TRIM37: variants seen among roughly 807,000 people sequenced by gnomAD.
The protein encoded by TRIM37 is tripartite motif containing 37, also known as E3 ubiquitin-protein ligase TRIM37.
In TRIM37, 80 loss-of-function variants were observed where a neutral mutation model predicts 129.8. The observed-to-expected ratio is 0.62, with a 90% confidence interval of 0.51 to 0.74. The LOEUF (loss-of-function observed/expected upper bound fraction) is 0.74. TRIM37 is among the 30% of genes least tolerant of loss of function. The pLI, the probability that TRIM37 is intolerant of heterozygous loss-of-function variation, is 0.00. For missense variants in TRIM37, 1,054 were observed against 1,176.5 expected, an observed-to-expected ratio of 0.90 and a Z score of 1.52; for synonymous variants, 389 against 387.1, an observed-to-expected ratio of 1.00 and a Z score of -0.06.
At chr17:59,030,877 C>A (rs1315452562) in intron 18 of TRIM37, among the ~76,000 whole-genome samples, 1 of 152,192 alleles carries the variant, frequency 6.6e-6, no homozygotes, top group Non-Finnish European at 1.5e-5. Flanking sequence ...TACATATCTA[C>A]CTACAGAATC....
chr17:59,013,344 C>T (rs1798350351), intron 21 of TRIM37, among the ~76,000 whole-genome samples: 1 of 152,128 alleles, frequency 6.6e-6, no homozygotes, highest in African/African-American at 2.4e-5. Context: ...GACAGTGTTT[C>T]ACCATGATGG....
Position 59,084,034 on chromosome 17 carries a change from T to C in TRIM37, c.337A>G (p.Ile113Val). 6.2e-7 allele frequency: 1 copy of C among 1,613,924 alleles called. No individual in the cohort carries two copies. The highest frequency in any genetic ancestry group is 8.5e-7 in the Non-Finnish European group (1 of 1,179,932). Residue 113 changes from isoleucine (I) to valine (V), a missense_variant, in exon 5 of 24, where the codon ATC becomes GTC. By Grantham distance (29) the Ile-to-Val change is conservative. Around this residue, in one of 3 missense-constraint regions of TRIM37, gnomAD observed 752 missense variants for 870.8 expected, o/e 0.86. Coordinates refer to ENST00000262294, the MANE Select transcript of TRIM37 (RefSeq NM_015294.6). Reference protein sequence around the residue: ...SVFCWTCKKCICHQCALWGGM... With the variant: ...SVFCWTCKKCVCHQCALWGGM... ...CCCCAAAGTGCACACTGATGGCAGA[T>C]ACACTTCTTACAAGTCCAGCAAAAT...
At chr17:58,994,750 C>CTTTT (rs796722512), downstream of TRIM37, among the ~76,000 whole-genome samples, 1 of 142,434 alleles carries the variant, frequency 7.0e-6, no homozygotes, top group Non-Finnish European at 1.5e-5. Flanking sequence ...TTCTTTCTTT[C>CTTTT]TTTTTTTTTT....
chr17:58,998,484 A>G lies in TRIM37; in HGVS notation c.*893T>C, dbSNP rs1484440288. The G allele has an allele frequency of 1.0e-6, 1 of 985,338 alleles. No individual in the cohort carries two copies. The highest frequency in any genetic ancestry group is 1.2e-6 in the Non-Finnish European group (1 of 829,938). The allele number at this position is 985,338 out of a possible 1,614,324, so 61.0% of individuals were successfully genotyped here. Reference sequence around the variant, plus strand: ...TGGCAACTGTTTTGGGCTAATTATGAGTATGAAAGAAAACCTTATATCACA... The same window carrying G: ...TGGCAACTGTTTTGGGCTAATTATGGGTATGAAAGAAAACCTTATATCACA... On this transcript the variant is annotated 3_prime_UTR_variant, in exon 24 of 24. Transcript: ENST00000262294.
chr17:59,021,295 C>T (rs1567996338), intron 19 of TRIM37, among the ~76,000 whole-genome samples: 1 of 151,800 alleles, frequency 6.6e-6, no homozygotes, highest in Non-Finnish European at 1.5e-5. Flanking sequence ...GCTGGGAGGC[C>T]GAGGCAGGAG....
intron 12 of TRIM37, 66 bp downstream of exon 12, chr17:59,060,966 A>G: frequency 8.3e-7 from 1 of 1,199,614 alleles, no homozygotes; most frequent in East Asian, 2.4e-5. Context: ...ATAAAAATTA[A>G]CAAAAATTGC....
chr17:59,079,739 T>C lies in TRIM37; in HGVS notation c.616+15A>G, dbSNP rs2043106889. On this transcript the variant is annotated intron_variant, in intron 7 of 23. Transcript: ENST00000262294. ...GAAAGCACCAGGTACCCCAGCAGCA[T>C]ACATAAACACTTACCCATCAGTGTT... 1 of 1,613,738 alleles carries C rather than the reference T, an allele frequency of 6.2e-7. No individual in the cohort carries two copies. The highest frequency in any genetic ancestry group is 8.5e-7 in the Non-Finnish European group (1 of 1,179,736).
Position 58,993,153 on chromosome 17 carries a change from C to T in TRIM37, c.2891+6228G>A, listed in dbSNP as rs116979044. ...GGGGGAGTTTCCCTGCACAAGCTCT[C>T]GTCTGCCACCACATGAGATGTGCCT... On this transcript the variant is annotated intron_variant, in intron 24 of 24. Transcript: ENST00000393066. Among the ~76,000 whole-genome samples, 133 of 152,286 alleles carry T rather than the reference C, an allele frequency of 8.7e-4. 1 individual carries two copies. The highest frequency in any genetic ancestry group is 8.7e-3 in the East Asian group (45 of 5,190).
chr17:59,096,558 A>AC (rs965839794), intron 2 of TRIM37, among the ~76,000 whole-genome samples: 2 of 141,574 alleles, frequency 1.4e-5, no homozygotes, highest in Non-Finnish European at 3.2e-5. Flanking sequence ...TCAAAAAAAA[A>AC]AAAACAAAAA....
chr17:59,075,644 C>T lies in TRIM37; in HGVS notation c.684+3G>A. 6.3e-7 allele frequency: 1 copy of T among 1,587,602 alleles called. No individual in the cohort carries two copies. Among genetic ancestry groups the T allele is most frequent in the Non-Finnish European group, 8.6e-7 (1 of 1,160,570 alleles). On this transcript the variant is annotated splice_donor_region_variant and intron_variant, in intron 8 of 23. Coordinates refer to ENST00000262294, the MANE Select transcript of TRIM37 (RefSeq NM_015294.6). ...TATTTCATTACATTTAATATTTCAT[C>T]ACCTGGTGCTCCACCTCCTGAAGTA...
At chr17:58,982,462 A>G, downstream of TRIM37, 1 of 158,440 alleles carries the variant, frequency 6.3e-6, no homozygotes. Flanking sequence ...GTGCTCACTA[A>G]CAAGGGTGAG....
chr17:59,092,887 G>C (rs1713852180), intron 2 of TRIM37, among the ~76,000 whole-genome samples: 1 of 152,174 alleles, frequency 6.6e-6, no homozygotes, highest in African/African-American at 2.4e-5. Flanking sequence ...AGCATACAGA[G>C]CACGCCTGTA....
At chr17:58,992,341 ATAAATAC>A (rs2032532528) in intron 24 of TRIM37, among the ~76,000 whole-genome samples, 3 of 147,114 alleles carry the variant, frequency 2.0e-5, no homozygotes, top group Non-Finnish European at 4.5e-5. Flanking sequence ...ATATATATAT[ATAAATAC>A]AGAGTACTGT....
At position 58,985,960 on chromosome 17, in the gene TRIM37, G is replaced by GTGTT. The variant is rs565438270; in HGVS notation, c.2892-3043_2892-3040dup. Among the ~76,000 whole-genome samples, 3 of 152,254 alleles carry GTGTT rather than the reference G, an allele frequency of 2.0e-5. No individual in the cohort carries two copies. The South Asian group carries it at 6.2e-4, about 32-fold the overall frequency. ...AGAAAAGGAACATTTTGATTAGTAA[G>GTGTT]TGTTACACTTGAAAAAATTCCCTAA... On this transcript the variant is annotated intron_variant, in intron 24 of 24. Transcript: ENST00000393066.
chr17:59,004,904 G>T (rs1001435884), intron 22 of TRIM37, among the ~76,000 whole-genome samples: 1 of 152,058 alleles, frequency 6.6e-6, no homozygotes, highest in African/African-American at 2.4e-5. Flanking sequence ...TTTAGAAATC[G>T]TCTCCATCTT....
intron 2 of TRIM37, among the ~76,000 whole-genome samples, chr17:59,098,774 T>C (rs2045165050): frequency 6.6e-6 from 1 of 151,292 alleles, no homozygotes; most frequent in Non-Finnish European, 1.5e-5. Flanking sequence ...CTTCTAGATA[T>C]ATATTCAAAA....
intron 22 of TRIM37, among the ~76,000 whole-genome samples, chr17:59,008,954 G>A (rs2034892774): frequency 6.6e-6 from 1 of 151,970 alleles, no homozygotes; most frequent in Admixed American, 6.6e-5. Context: ...TCATGATCTG[G>A]CCTCTGGTCT....
intron 19 of TRIM37, among the ~76,000 whole-genome samples, chr17:59,018,151 C>T (rs747959463): frequency 2.0e-5 from 3 of 151,854 alleles, no homozygotes; most frequent in Admixed American, 6.6e-5. Context: ...AGAAAATGTA[C>T]GGCCTTAAAA....
intron 13 of TRIM37, 65 bp from the exon 14 acceptor site, chr17:59,051,393 G>A: frequency 8.7e-7 from 1 of 1,155,492 alleles, no homozygotes; most frequent in Non-Finnish European, 1.3e-6. Flanking sequence ...GTCTAGCACT[G>A]AATTCTGCAA....
Sources: gnomAD v4.1 joint callset for allele counts (sites outside exome capture counted in the v4.1 genomes callset) on GRCh38, gnomAD v4.1.1 for gene constraint, gnomAD v4.1.1 regional missense constraint, MANE v1.5 for transcripts, NCBI Gene and HGNC (gene_info 2026-07-23, HGNC 2026-07-21) for gene names.